Variants in STARD3NL observed in about 807,000 individuals in gnomAD.
The protein encoded by STARD3NL is STARD3 N-terminal like.
A neutral mutation model predicts 30.9 loss-of-function variants in STARD3NL; 17 were observed. That is an observed-to-expected ratio of 0.55 (90% CI 0.38 to 0.82). The LOEUF is 0.82. STARD3NL is among the 40% of genes least tolerant of loss of function. The pLI is 0.00. For missense variants in STARD3NL, 234 were observed against 277.6 expected (o/e 0.84, Z 1.12); for synonymous variants, 112 against 100.5 (o/e 1.11, Z -0.69).
rs751382558 is a variant in STARD3NL at position 38,217,323 on chromosome 7, T to G, written c.553+18T>G. ...AGAAAACAGTAAGTTCCTCTCAAAG[T>G]CAGCCTCCTGAGGCGGACTGGATAC... On this transcript the variant is annotated intron_variant, in intron 6 of 8. Transcript: ENST00000009041. 16 of 1,612,218 alleles carry G rather than the reference T, an allele frequency of 9.9e-6. No individual in the cohort carries two copies. The highest frequency in any genetic ancestry group is 1.4e-5 in the Non-Finnish European group (16 of 1,178,894).
At chr7:38,227,170 G>C (rs1237541580) in intron 7 of STARD3NL, among the ~76,000 whole-genome samples, 1 of 152,074 alleles carries the variant, frequency 6.6e-6, no homozygotes, top group Non-Finnish European at 1.5e-5. Flanking sequence ...TTTAATTAAG[G>C]GTTTAGCTTT....
At chr7:38,205,496 CATTT>C (rs761680963) in intron 1 of STARD3NL, among the ~76,000 whole-genome samples, 2 of 152,092 alleles carry the variant, frequency 1.3e-5, no homozygotes, top group East Asian at 3.8e-4. Context: ...GCTTCATAAA[CATTT>C]ATTTTAGTGA....
chr7:38,184,728 AT>A (rs1357578698), intron 1 of STARD3NL, among the ~76,000 whole-genome samples: 233 of 146,696 alleles, frequency 1.6e-3, no homozygotes, highest in Non-Finnish European at 2.9e-3. Flanking sequence ...TATATAACCC[AT>A]ATAGTATATA....
Position 38,207,710 on chromosome 7 carries a change from T to C in STARD3NL, c.206T>C (p.Leu69Pro). 1 of 1,614,048 alleles carries C rather than the reference T, an allele frequency of 6.2e-7. No homozygotes were observed. The highest frequency in any genetic ancestry group is 8.5e-7 in the Non-Finnish European group (1 of 1,179,932). The change falls in exon 2 of 9, where the codon CTG becomes CCG. Residue 69 changes from leucine to proline, a missense_variant. By Grantham distance (98) the Leu-to-Pro change is moderately conservative. Transcript: ENST00000009041. ...TTTGACCTCTTATTCGTAACATTAC[T>C]GTGGATAATAGAGTTAAATGTAAGT... ...VTFDLLFVTLLWIIELNVNGG... is the reference protein window; with the variant it reads ...VTFDLLFVTLPWIIELNVNGG...
intron 1 of STARD3NL, among the ~76,000 whole-genome samples, chr7:38,193,327 C>T (rs1784769547): frequency 6.6e-6 from 1 of 151,924 alleles, no homozygotes; most frequent in Admixed American, 6.6e-5. Context: ...GAGATGGAGT[C>T]TCGCTCTGTC....
intron 1 of STARD3NL, among the ~76,000 whole-genome samples, chr7:38,186,987 G>A (rs768978280): frequency 2.1e-4 from 32 of 151,826 alleles, no homozygotes; most frequent in African/African-American, 4.8e-4. Flanking sequence ...TAGAGACCCC[G>A]TTGTTTCAGT....
At chr7:38,208,733 G>A (rs1351409511) in intron 2 of STARD3NL, among the ~76,000 whole-genome samples, 4 of 152,122 alleles carry the variant, frequency 2.6e-5, no homozygotes, top group Admixed American at 1.3e-4. Flanking sequence ...CTCTTTGCTA[G>A]GCACAGTGCT....
chr7:38,219,713 T>C (rs1786340302), intron 7 of STARD3NL, 53 bp downstream of exon 7: 7 of 1,459,952 alleles, frequency 4.8e-6, no homozygotes, highest in South Asian at 1.1e-5. Flanking sequence ...AAGGCTCTGC[T>C]CTTCCTTCCT....
chr7:38,209,098 T>G (rs1028428673), intron 2 of STARD3NL, among the ~76,000 whole-genome samples: 8 of 152,192 alleles, frequency 5.3e-5, no homozygotes, highest in African/African-American at 1.9e-4. Flanking sequence ...TTTTGCACTG[T>G]GGGATTGTTA....
chr7:38,210,680 C>G (rs1481528085), intron 2 of STARD3NL, among the ~76,000 whole-genome samples: 1 of 152,142 alleles, frequency 6.6e-6, no homozygotes, highest in African/African-American at 2.4e-5. Context: ...ACTCTTTTCC[C>G]TCTGCAGACT....
chr7:38,205,829 C>G (rs1785433253), intron 1 of STARD3NL, among the ~76,000 whole-genome samples: 1 of 152,136 alleles, frequency 6.6e-6, no homozygotes, highest in African/African-American at 2.4e-5. Flanking sequence ...CCTCTGCCTT[C>G]TAATCACTGT....
intron 1 of STARD3NL, chr7:38,201,846 C>G (rs1440322427): frequency 6.6e-6 from 1 of 152,218 alleles, no homozygotes; most frequent in East Asian, 1.9e-4. Context: ...CACTACCACT[C>G]CTGTCTAATG....
chr7:38,214,384 G>C lies in STARD3NL; in HGVS notation c.253G>C (p.Glu85Gln). The change falls in exon 3 of 9, where the codon GAG (glutamate) becomes CAG (glutamine). Residue 85 changes from glutamate (E) to glutamine (Q), a missense_variant. Coordinates refer to ENST00000009041, the MANE Select transcript of STARD3NL (RefSeq NM_032016.4). ...GAATGGAGGCATTGAGAACACATTA[G>C]AGAAGGAGGTGATGCAGTATGACTA... is the stretch of plus-strand genomic sequence containing the variant. ...NVNGGIENTL[E>Q]KEVMQYDYYS... is the part of the protein sequence containing the mutation. 2 of 1,608,324 alleles carry C rather than the reference G, an allele frequency of 1.2e-6. No individual in the cohort carries two copies. Among genetic ancestry groups the C allele is most frequent in the Non-Finnish European group, 1.7e-6 (2 of 1,175,794 alleles).
At chr7:38,191,058 A>G (rs1173527216) in intron 1 of STARD3NL, among the ~76,000 whole-genome samples, 4 of 152,162 alleles carry the variant, frequency 2.6e-5, no homozygotes, top group Non-Finnish European at 5.9e-5. Context: ...ATTATCCCCA[A>G]TGAAATTATT....
At chr7:38,193,055 A>G (rs1238802921) in intron 1 of STARD3NL, among the ~76,000 whole-genome samples, 4 of 152,124 alleles carry the variant, frequency 2.6e-5, no homozygotes, top group African/African-American at 9.7e-5. Context: ...ACATTTTAAG[A>G]GAGTGAAACA....
chr7:38,182,157 G>GT (rs1784277112), intron 1 of STARD3NL, among the ~76,000 whole-genome samples: 1 of 152,094 alleles, frequency 6.6e-6, no homozygotes, highest in Non-Finnish European at 1.5e-5. Context: ...TACGTGCACA[G>GT]TTTTTTGCAG....
At chr7:38,186,152 C>A (rs1018496200) in intron 1 of STARD3NL, among the ~76,000 whole-genome samples, 1 of 152,058 alleles carries the variant, frequency 6.6e-6, no homozygotes, top group South Asian at 2.1e-4. Flanking sequence ...AAGAGGAAGT[C>A]GTAAATATTC....
At chr7:38,190,961 G>A (rs1261129669) in intron 1 of STARD3NL, among the ~76,000 whole-genome samples, 1 of 152,158 alleles carries the variant, frequency 6.6e-6, no homozygotes, top group Non-Finnish European at 1.5e-5. Flanking sequence ...CAGAAGGCAG[G>A]TAATGCCAGC....
intron 1 of STARD3NL, among the ~76,000 whole-genome samples, chr7:38,197,452 C>T (rs890238130): frequency 6.6e-6 from 1 of 152,092 alleles, no homozygotes; most frequent in Non-Finnish European, 1.5e-5. Flanking sequence ...TCTCAAACTA[C>T]TTAGCCTCCC....
Sources: gnomAD v4.1 joint callset for allele counts (sites outside exome capture counted in the v4.1 genomes callset) on GRCh38, gnomAD v4.1.1 for gene constraint, MANE v1.5 for transcripts, NCBI Gene and HGNC (gene_info 2026-07-23, HGNC 2026-07-21) for gene names.